Variants in MATN4 observed in about 807,000 individuals in gnomAD.
The protein encoded by MATN4 is matrilin-4.
In MATN4, 40 loss-of-function variants were observed where a neutral mutation model predicts 54.6. The observed-to-expected ratio is 0.73, with a 90% CI of 0.57 to 0.95. The LOEUF (loss-of-function observed/expected upper bound fraction) is 0.95, where lower values mean the gene tolerates loss of function less well. MATN4 is among the 40% of genes least tolerant of loss of function. The pLI, the probability that MATN4 is intolerant of heterozygous loss-of-function variation, is 0.00. For synonymous variants in MATN4, 351 were observed against 345.3 expected (o/e 1.02, Z -0.18); for missense variants, 810 against 819.1 (o/e 0.99, Z 0.13).
chr20:45,303,649 G>A (rs538571249), intron 3 of MATN4: 1 of 599,460 alleles, frequency 1.7e-6, no homozygotes, highest in South Asian at 2.0e-5. Flanking sequence ...ATTTGAGAAG[G>A]GCCGTACCAA....
Position 45,306,094 on chromosome 20 carries a change from C to A in MATN4, c.-34-478G>T, listed in dbSNP as rs2233087. Among the ~76,000 whole-genome samples, 913 of 151,896 alleles carry A rather than the reference C, an allele frequency of 6.0e-3. 5 individuals are homozygous for A. The highest frequency in any genetic ancestry group is 0.02 in the African/African-American group (841 of 41,400). Reference sequence around the variant, plus strand: ...TGCTGGGATTACAGGCGTGAGCCACCGCGCTCGGCCCACAAGAGAATGGTA... The same window carrying A: ...TGCTGGGATTACAGGCGTGAGCCACAGCGCTCGGCCCACAAGAGAATGGTA... On this transcript the variant is annotated intron_variant, in intron 1 of 9. Coordinates refer to ENST00000372756, the MANE Select transcript of MATN4 (RefSeq NM_001393530.1).
chr20:45,301,088 A>C lies in MATN4; in HGVS notation c.889+14T>G. 6.2e-7 allele frequency: 1 copy of C among 1,614,124 alleles called. No individual in the cohort carries two copies. Among genetic ancestry groups the C allele is most frequent in the Non-Finnish European group, 8.5e-7 (1 of 1,180,000 alleles). On this transcript the variant is annotated intron_variant, in intron 5 of 9. Transcript: ENST00000372756. ...CTCTTACCCCTCCCACAAATGTAGG[A>C]GAGCCCTCCTCACCCTGACAGCTCC...
chr20:45,298,165 C>A lies in MATN4; in HGVS notation c.1426+5G>T. ...CCAGCCCACTGTGTCCCATGCCAAG[C>A]CCACCTTCCTCCTTGGCGCGCGCTG... On this transcript the variant is annotated splice_donor_5th_base_variant and intron_variant, in intron 7 of 9. Coordinates refer to ENST00000372756, the MANE Select transcript of MATN4 (RefSeq NM_001393530.1). The surrounding 1 kb of genome is among the most constrained non-coding windows in gnomAD (Gnocchi z 4.6). 6.3e-7 allele frequency: 1 copy of A among 1,595,600 alleles called. No homozygotes were observed.
intron 8 of MATN4, among the ~76,000 whole-genome samples, chr20:45,295,167 C>G (rs1388898289): frequency 6.6e-6 from 1 of 152,160 alleles, no homozygotes; most frequent in East Asian, 1.9e-4. Flanking sequence ...ACCATTCTCC[C>G]CACCACCATC....
Position 45,293,891 on chromosome 20 carries a change from C to T in MATN4, c.1687+17G>A, listed in dbSNP as rs1985637331. 1.9e-6 allele frequency: 3 copies of T among 1,606,314 alleles called. No homozygotes were observed. The highest frequency in any genetic ancestry group is 2.7e-5 in the African/African-American group (2 of 74,844). On this transcript the variant is annotated intron_variant, in intron 9 of 9. Transcript: ENST00000372756. The stretch of plus-strand genomic sequence containing the variant: ...TTCACTTTCCCTCCAGCCCGCGCCA[C>T]CAGCCCCAAAGGATATGGTTCAGCG...
chr20:45,300,029 G>A (rs1269485772), intron 6 of MATN4, among the ~76,000 whole-genome samples: 1 of 151,604 alleles, frequency 6.6e-6, no homozygotes, highest in African/African-American at 2.4e-5. Context: ...TGAAAGGTGT[G>A]CCATCTAAGA....
intron 1 of MATN4, among the ~76,000 whole-genome samples, 186 bp from the exon 2 acceptor site, chr20:45,305,802 A>ATTATTTTTTTTTTTTTTTTTT (rs1050722306): frequency 8.2e-5 from 1 of 12,176 alleles, no homozygotes; most frequent in Non-Finnish European, 1.7e-4. Context: ...AACACAAGAG[A>ATTATTTTTTTTTTTTTTTTTT]TTCTTTTTTT....
chr20:45,307,315 T>G (rs1281682904), intron 1 of MATN4, among the ~76,000 whole-genome samples: 5 of 152,166 alleles, frequency 3.3e-5, no homozygotes, highest in Non-Finnish European at 7.3e-5. Flanking sequence ...GCGAGGCCAG[T>G]GCCTGCTTCT....
intron 6 of MATN4, among the ~76,000 whole-genome samples, chr20:45,299,022 A>G (rs1006666529): frequency 6.6e-6 from 1 of 152,168 alleles, no homozygotes; most frequent in Non-Finnish European, 1.5e-5. Flanking sequence ...AATCCTCCCA[A>G]TAAGCTTGAA....
rs2233106 is a variant in MATN4, at chr20:45,293,788, G to T, written c.1725C>A (p.Asn575Lys). 8,012 of 1,610,250 alleles carry T rather than the reference G, an allele frequency of 5.0e-3. 368 individuals are homozygous for T. In the African/African-American group the frequency reaches 0.094, roughly 19 times the overall value. Residue 575 changes from asparagine to lysine, a missense_variant, in exon 10 of 10, where the codon AAC becomes AAA. Coordinates refer to ENST00000372756, the MANE Select transcript of MATN4 (RefSeq NM_001393530.1). Reference protein sequence around the residue: ...QLTARLEDLENQLANQK With the variant: ...QLTARLEDLEKQLANQK ...GCCCTCACTTCTGGTTGGCCAGCTG[G>T]TTCTCCAGATCCTCCAGGCGCGCCG... is the stretch of plus-strand genomic sequence containing the variant.
chr20:45,306,461 A>G (rs987071811), intron 1 of MATN4, among the ~76,000 whole-genome samples: 1 of 151,672 alleles, frequency 6.6e-6, no homozygotes, highest in African/African-American at 2.4e-5. Flanking sequence ...ACCTCGGCCC[A>G]CTCCCCTACG....
Position 45,304,227 on chromosome 20 carries a change from C to G in MATN4, c.643+1G>C. On this transcript the variant is annotated splice_donor_variant, in intron 3 of 9. Transcript: ENST00000372756. LOFTEE classifies it high-confidence loss of function. ...TTCACTCCAGCGCCCTCCTAACTCA[C>G]CACACAGCCGGCTCTGGAACTGCAG... is the stretch of plus-strand genomic sequence containing the variant. 1 of 1,504,390 alleles carries G rather than the reference C, an allele frequency of 6.6e-7. No individual in the cohort carries two copies. The highest frequency in any genetic ancestry group is 8.8e-7 in the Non-Finnish European group (1 of 1,130,568). 93.2% of individuals were successfully genotyped at this position (1,504,390 alleles called of 1,614,324 possible).
chr20:45,301,236 G>A lies in MATN4; in HGVS notation c.767-12C>T, dbSNP rs200219341. ...GCAGTAGTCAATGGCTGGCAGGAGG[G>A]AAGAAACAGCAAGATGTTGCCTCTG... is the stretch of plus-strand genomic sequence containing the variant. On this transcript the variant is annotated splice_polypyrimidine_tract_variant and intron_variant, in intron 4 of 9. Transcript: ENST00000372756. 12 of 1,594,156 alleles carry A rather than the reference G, an allele frequency of 7.5e-6. No individual in the cohort carries two copies. Among genetic ancestry groups the A allele is most frequent in the Non-Finnish European group, 1.0e-5 (12 of 1,167,906 alleles).
Position 45,304,562 on chromosome 20 carries a change from G to A in MATN4, c.309C>T (p.Asp103=). ...TGGTGCCTTGCGCCAGAGGCACCAG[G>A]TCGCGGATGGCGCGCTCCATGTCCT... is the stretch of plus-strand genomic sequence containing the variant. ...RREDMERAIR[D]LVPLAQGTMT... The change falls in exon 3 of 10, where the codon GAC becomes GAT. Residue 103 remains aspartate (D), a synonymous_variant. Transcript: ENST00000372756. The A allele has an allele frequency of 6.3e-7, 1 of 1,597,580 alleles. No homozygotes were observed. The highest frequency in any genetic ancestry group is 1.1e-5 in the South Asian group (1 of 90,694).
Position 45,293,918 on chromosome 20 carries a change from C to T in MATN4, c.1677G>A (p.Leu559=), listed in dbSNP as rs141538990. Residue 559 remains leucine (L), a synonymous_variant, in exon 9 of 10, where the codon CTG becomes CTA. Coordinates refer to ENST00000372756, the MANE Select transcript of MATN4 (RefSeq NM_001393530.1). The part of the protein sequence containing the change: ...QGRTLGALES[L]TLNLAQLTAR... ...AGCCCCAAAGGATATGGTTCAGCGT[C>T]AGGCTCTCGAGCGCCCCCAGCGTGC... The T allele has an allele frequency of 2.1e-4, 335 of 1,602,768 alleles. No homozygotes were observed. Among genetic ancestry groups the T allele is most frequent in the Non-Finnish European group, 2.7e-4 (314 of 1,178,684 alleles).
Position 45,301,329 on chromosome 20 carries a change from CTCCTCTGGTCCTGCTGGAGTA to C in MATN4, c.737_757del (p.Val246_Ser253delinsGly). The C allele has an allele frequency of 6.2e-7, 1 of 1,614,146 alleles. No homozygotes were observed. Among genetic ancestry groups the C allele is most frequent in the South Asian group, 1.1e-5 (1 of 91,082 alleles). On this transcript the variant is annotated inframe_deletion, in exon 4 of 10. Coordinates refer to ENST00000372756, the MANE Select transcript of MATN4 (RefSeq NM_001393530.1). ...GTGGGGGTGTTGCTCACCCCTGCAG[CTCCTCTGGTCCTGCTGGAGTA>C]CAAAGCCAACTTGGCAGTGACAGAA...
chr20:45,301,786 G>A (rs1174791400), intron 3 of MATN4, among the ~76,000 whole-genome samples: 1 of 151,852 alleles, frequency 6.6e-6, no homozygotes, highest in South Asian at 2.1e-4. Context: ...AGCTGGACTG[G>A]AGAGAAGATA....
chr20:45,307,349 C>T (rs1986808655), intron 1 of MATN4, among the ~76,000 whole-genome samples: 1 of 152,168 alleles, frequency 6.6e-6, no homozygotes, highest in Non-Finnish European at 1.5e-5. Flanking sequence ...CTTCTCATCC[C>T]GGATTCTTCT....
intron 8 of MATN4, 52 bp downstream of exon 8, chr20:45,297,866 T>C (rs549659675): frequency 1.2e-6 from 2 of 1,603,864 alleles, no homozygotes; most frequent in East Asian, 2.2e-5. Flanking sequence ...AGGGGAGATA[T>C]CAGAGGACGG....
Sources: gnomAD v4.1 joint callset for allele counts (sites outside exome capture counted in the v4.1 genomes callset) on GRCh38, gnomAD v4.1.1 for gene constraint, Gnocchi (gnomAD v3.1) non-coding constraint, MANE v1.5 for transcripts, NCBI Gene and HGNC (gene_info 2026-07-23, HGNC 2026-07-21) for gene names.